The following OLFM2 variants were observed in gnomAD, a reference collection of about 807,000 sequenced individuals.
The protein encoded by OLFM2 is noelin-2.
In OLFM2, 20 loss-of-function variants were observed where a neutral mutation model predicts 43.9. The ratio of observed to expected loss-of-function variants is 0.46; its 90% confidence interval spans 0.32 to 0.66. The LOEUF (loss-of-function observed/expected upper bound fraction) is 0.66, where lower values mean the gene tolerates loss of function less well. OLFM2 is among the 30% of genes least tolerant of loss of function. OLFM2 has a pLI of 0.04. For missense variants in OLFM2, 416 were observed against 643.6 expected (o/e 0.65, Z 3.83); for synonymous variants, 268 against 278.6 (o/e 0.96, Z 0.38).
intron 1 of OLFM2, among the ~76,000 whole-genome samples, chr19:9,899,313 A>G (rs187420493): frequency 1.3e-5 from 2 of 151,754 alleles, no homozygotes; most frequent in South Asian, 2.1e-4. Context: ...TGTGGCCAGA[A>G]GCCTCGAATG....
At chr19:9,931,109 C>T (rs553089211) in intron 1 of OLFM2, among the ~76,000 whole-genome samples, 8 of 152,124 alleles carry the variant, frequency 5.3e-5, no homozygotes, top group Non-Finnish European at 1.0e-4. Context: ...TACACTAACT[C>T]GGAGTCTTTA....
Position 9,854,964 on chromosome 19 carries a change from C to T in OLFM2, c.688-101G>A, listed in dbSNP as rs955849615. The T allele has an allele frequency of 1.1e-6, 1 of 893,576 alleles. No homozygotes were observed. Among genetic ancestry groups the T allele is most frequent in the East Asian group, 2.7e-5 (1 of 37,504 alleles). 55.4% of individuals were successfully genotyped at this position (893,576 alleles called of 1,614,324 possible). On this transcript the variant is annotated intron_variant, in intron 5 of 5. Coordinates refer to ENST00000264833, the MANE Select transcript of OLFM2 (RefSeq NM_058164.4). The surrounding 1 kb of genome is among the most constrained non-coding windows in gnomAD (Gnocchi z 9.5). ...TAGAGTTCAACAGTCACTAAGTGGT[C>T]ATTAGTCATGGGAACTCTGTTGACC... is the stretch of plus-strand genomic sequence containing the variant.
chr19:9,922,736 G>A (rs2086428551), intron 1 of OLFM2, among the ~76,000 whole-genome samples: 1 of 151,218 alleles, frequency 6.6e-6, no homozygotes, highest in Admixed American at 6.6e-5. Context: ...TAGGCAACAG[G>A]GCAAAACCCC....
chr19:9,926,992 A>G (rs2086457445), intron 1 of OLFM2, among the ~76,000 whole-genome samples: 1 of 151,312 alleles, frequency 6.6e-6, no homozygotes, highest in South Asian at 2.1e-4. Flanking sequence ...CTCTAAAAAT[A>G]AATAAATAAG....
chr19:9,859,602 A>G (rs1015470515), intron 2 of OLFM2, among the ~76,000 whole-genome samples: 2 of 152,070 alleles, frequency 1.3e-5, no homozygotes, highest in Non-Finnish European at 2.9e-5. Context: ...CCAGGGGACT[A>G]TTTTCTCTTG....
At chr19:9,898,832 A>G (rs7246434) in intron 1 of OLFM2, among the ~76,000 whole-genome samples, 55,417 of 151,998 alleles carry the variant, frequency 0.36, 12,647 homozygotes, top group African/African-American at 0.65. Flanking sequence ...CATTCCAGCT[A>G]CCACTGTTCT....
At chr19:9,874,253 TTC>T (rs1483420914) in intron 1 of OLFM2, among the ~76,000 whole-genome samples, 2 of 152,152 alleles carry the variant, frequency 1.3e-5, no homozygotes, top group Non-Finnish European at 2.9e-5. Flanking sequence ...TCTATGACGT[TTC>T]TGTCTTGTTT....
At chr19:9,886,575 G>A (rs2046588837) in intron 1 of OLFM2, among the ~76,000 whole-genome samples, 1 of 151,912 alleles carries the variant, frequency 6.6e-6, no homozygotes, top group Non-Finnish European at 1.5e-5. Flanking sequence ...ACCTAAATAG[G>A]CAATCCATCC....
intron 1 of OLFM2, among the ~76,000 whole-genome samples, chr19:9,921,730 C>G (rs910476569): frequency 6.6e-6 from 1 of 151,936 alleles, no homozygotes. Flanking sequence ...CGTAATCCGC[C>G]CACCTCGGCC....
At chr19:9,877,875 T>C (rs2046505430) in intron 1 of OLFM2, among the ~76,000 whole-genome samples, 1 of 152,156 alleles carries the variant, frequency 6.6e-6, no homozygotes, top group Non-Finnish European at 1.5e-5. Context: ...ATTTTACAGA[T>C]GAGGTCTGGT....
intron 1 of OLFM2, among the ~76,000 whole-genome samples, chr19:9,914,982 GGC>G (rs1334664954): frequency 6.6e-6 from 1 of 152,088 alleles, no homozygotes; most frequent in Non-Finnish European, 1.5e-5. Flanking sequence ...CGGGGAGGGG[GGC>G]TAGGGGTCTC....
intron 1 of OLFM2, among the ~76,000 whole-genome samples, chr19:9,887,217 T>C (rs1974811): frequency 0.92 from 139,467 of 151,858 alleles, 64,855 homozygotes; most frequent in Non-Finnish European, 1. Flanking sequence ...TCGCTCTTGT[T>C]GCCCAGGCTG....
intron 1 of OLFM2, among the ~76,000 whole-genome samples, chr19:9,879,206 C>T (rs760549418): frequency 5.9e-5 from 9 of 152,168 alleles, no homozygotes; most frequent in East Asian, 1.9e-4. Flanking sequence ...AATCTCAGCT[C>T]GTTGCAACCT....
chr19:9,901,079 AAG>A lies in OLFM2; in HGVS notation c.63+35223_63+35224del, dbSNP rs1258440627. ...GGGAGGGAGGGAAGGGAGGGAAAGA[AAG>A]AGAGTGAGGAAGGAAGGAAGGAAAA... On this transcript the variant is annotated intron_variant, in intron 1 of 5. Coordinates refer to ENST00000264833, the MANE Select transcript of OLFM2 (RefSeq NM_058164.4). 9.9e-4 allele frequency among the ~76,000 whole-genome samples: 108 copies of A among 108,782 alleles called. 1 individual carries two copies. Among genetic ancestry groups the A allele is most frequent in the African/African-American group, 3.7e-3 (99 of 27,004 alleles). The allele number at this position is 108,782 out of a possible 152,430, so 71.4% of individuals were successfully genotyped here.
At chr19:9,915,184 A>G (rs2046864869) in intron 1 of OLFM2, among the ~76,000 whole-genome samples, 1 of 151,928 alleles carries the variant, frequency 6.6e-6, no homozygotes, top group South Asian at 2.1e-4. Context: ...CACTGTGAAC[A>G]ACAGACAAAA....
chr19:9,905,680 G>C (rs1336007009), intron 1 of OLFM2, among the ~76,000 whole-genome samples: 1 of 151,930 alleles, frequency 6.6e-6, no homozygotes, highest in African/African-American at 2.4e-5. Context: ...AGTGCTGAAG[G>C]GGCCGGAAAG....
At chr19:9,858,080 C>G in intron 2 of OLFM2, 1 of 630,944 alleles carries the variant, frequency 1.6e-6, no homozygotes, top group Non-Finnish European at 2.9e-6. Flanking sequence ...TCTGGTCCAC[C>G]TACCACCACC....
At chr19:9,919,357 G>A (rs965443382) in intron 1 of OLFM2, among the ~76,000 whole-genome samples, 1 of 152,172 alleles carries the variant, frequency 6.6e-6, no homozygotes, top group Admixed American at 6.6e-5. Context: ...TAGTGGAGAT[G>A]GGGTTTCACT....
At chr19:9,908,821 C>T (rs2046805046) in intron 1 of OLFM2, among the ~76,000 whole-genome samples, 2 of 151,996 alleles carry the variant, frequency 1.3e-5, no homozygotes, top group South Asian at 4.2e-4. Flanking sequence ...AGGTGATCCA[C>T]CTGCCTTGGC....
Sources: allele counts gnomAD v4.1 joint callset (sites outside exome capture counted in the v4.1 genomes callset), GRCh38; gene constraint gnomAD v4.1.1; non-coding constraint Gnocchi (gnomAD v3.1); transcripts MANE v1.5; gene names NCBI Gene and HGNC (gene_info 2026-07-23, HGNC 2026-07-21).